The following PREX1 variants were observed in gnomAD, a reference collection of about 807,000 sequenced individuals.
PREX1 encodes phosphatidylinositol-3,4,5-trisphosphate dependent Rac exchange factor 1, also known as phosphatidylinositol 3,4,5-trisphosphate-dependent Rac exchanger 1 protein.
A neutral mutation model predicts 198.3 loss-of-function variants in PREX1; 41 were observed. That is an observed-to-expected ratio of 0.21 (90% CI 0.16 to 0.27). PREX1 has a LOEUF of 0.27. Among genes scored for constraint, PREX1 ranks in the 10% least tolerant of loss-of-function variants. PREX1 has a pLI of 1.00. For missense variants in PREX1, 1,620 were observed against 2,200.7 expected (o/e 0.74, Z 5.28); for synonymous variants, 843 against 887.2 (o/e 0.95, Z 0.89).
intron 21 of PREX1, among the ~76,000 whole-genome samples, chr20:48,651,826 C>T (rs558818437): frequency 7.6e-4 from 115 of 152,298 alleles, no homozygotes; most frequent in Non-Finnish European, 1.3e-3. Flanking sequence ...AGGGAGCCAT[C>T]GGAAGGTTCT....
intron 3 of PREX1, among the ~76,000 whole-genome samples, chr20:48,744,481 G>GA (rs2090098731): frequency 6.6e-6 from 1 of 152,332 alleles, no homozygotes; most frequent in East Asian, 1.9e-4. Flanking sequence ...AGAGGGTATG[G>GA]AAAAGCAGTT....
chr20:48,887,713 G>A, the PREX1 span, among the ~76,000 whole-genome samples: 1 of 152,120 alleles, frequency 6.6e-6, no homozygotes, highest in African/African-American at 2.4e-5. Context: ...TTGGGAGGCC[G>A]AGGTGGGCGG....
rs1459809797 is a variant in PREX1 at position 48,827,100 on chromosome 20, C to T, written c.219+542G>A. 6.6e-6 allele frequency among the ~76,000 whole-genome samples: 1 copy of T among 152,124 alleles called. No individual in the cohort carries two copies. Among genetic ancestry groups the T allele is most frequent in the African/African-American group, 2.4e-5 (1 of 41,408 alleles). Reference sequence around the variant, plus strand: ...TTTTGAGTTCGAAACCCACTCTCCCCGAACTCCAGCAAAAACCTGTGCATG... The same window carrying T: ...TTTTGAGTTCGAAACCCACTCTCCCTGAACTCCAGCAAAAACCTGTGCATG... On this transcript the variant is annotated intron_variant, in intron 1 of 39. Coordinates refer to ENST00000371941, the MANE Select transcript of PREX1 (RefSeq NM_020820.4). This position sits in a 1 kb window ranked among gnomAD's most constrained non-coding sequence, Gnocchi z 4.1.
chr20:48,700,641 C>T (rs2089868950), intron 7 of PREX1, 112 bp downstream of exon 7: 3 of 1,436,880 alleles, frequency 2.1e-6, no homozygotes, highest in Middle Eastern at 2.5e-4. Flanking sequence ...TGATGTAGAA[C>T]AAACCCCTCA....
intron 1 of PREX1, among the ~76,000 whole-genome samples, chr20:48,767,478 C>T (rs1004207100): frequency 1.3e-4 from 20 of 152,184 alleles, no homozygotes; most frequent in Admixed American, 1.1e-3. Flanking sequence ...CACCTGTCAG[C>T]GGGGGAGGGT....
intron 6 of PREX1, among the ~76,000 whole-genome samples, chr20:48,704,380 T>C (rs533713424): frequency 3.0e-4 from 46 of 152,286 alleles, no homozygotes; most frequent in African/African-American, 1.1e-3. Context: ...GAAAAAAATA[T>C]GAGAGCTTTT....
At chr20:48,695,426 G>A (rs1792866825) in intron 7 of PREX1, among the ~76,000 whole-genome samples, 1 of 152,216 alleles carries the variant, frequency 6.6e-6, no homozygotes, top group Non-Finnish European at 1.5e-5. Context: ...ATTTCTTTGG[G>A]TTAGATACCT....
At chr20:48,678,479 A>AAAAG (rs373069869) in intron 13 of PREX1, among the ~76,000 whole-genome samples, 74 of 150,570 alleles carry the variant, frequency 4.9e-4, no homozygotes, top group South Asian at 1.1e-3. Flanking sequence ...CAAAAAAAAA[A>AAAAG]AAGAAGAAGA....
At chr20:48,817,707 G>A (rs2090464917) in intron 1 of PREX1, among the ~76,000 whole-genome samples, 1 of 152,144 alleles carries the variant, frequency 6.6e-6, no homozygotes, top group African/African-American at 2.4e-5. Context: ...AAAGACACCA[G>A]ACCATCTTAG....
chr20:48,710,990 G>C (rs924304925), intron 5 of PREX1, among the ~76,000 whole-genome samples: 1 of 152,240 alleles, frequency 6.6e-6, no homozygotes, highest in Non-Finnish European at 1.5e-5. Context: ...AAGAGCCATG[G>C]GGAGGTGATG....
intron 1 of PREX1, among the ~76,000 whole-genome samples, chr20:48,791,462 G>A (rs1001071800): frequency 2.0e-5 from 3 of 152,136 alleles, no homozygotes; most frequent in Non-Finnish European, 4.4e-5. Context: ...GCTGGTGAGG[G>A]GTAAAGTCAA....
chr20:48,639,418 GATA>G, intron 30 of PREX1, among the ~76,000 whole-genome samples: 1 of 152,218 alleles, frequency 6.6e-6, no homozygotes. Context: ...CTCATACCCT[GATA>G]ATAACAGGAA....
At chr20:48,860,427 G>T in the PREX1 span, among the ~76,000 whole-genome samples, 6 of 152,220 alleles carry the variant, frequency 3.9e-5, no homozygotes, top group African/African-American at 1.4e-4. Context: ...AAGATGAAAA[G>T]AATTCTGGAG....
At chr20:48,869,986 T>C in the PREX1 span, among the ~76,000 whole-genome samples, 26 of 152,328 alleles carry the variant, frequency 1.7e-4, no homozygotes, top group African/African-American at 6.0e-4. Flanking sequence ...ACTCTGCACA[T>C]GTATCCCAGA....
intron 5 of PREX1, among the ~76,000 whole-genome samples, chr20:48,711,408 C>CT (rs1459700277): frequency 6.6e-6 from 1 of 152,146 alleles, no homozygotes; most frequent in Non-Finnish European, 1.5e-5. Context: ...TTTTTGGCAT[C>CT]TGGACCTTTG....
rs868671395 is a variant in PREX1, at chr20:48,661,558, C to T, written c.1739-1497G>A. ...GTGTGTGTGTGTATATATATATATA[C>T]ACACACACACACACACTGACCCCTT... is the stretch of plus-strand genomic sequence containing the variant. On this transcript the variant is annotated intron_variant, in intron 15 of 39. Coordinates refer to ENST00000371941, the MANE Select transcript of PREX1 (RefSeq NM_020820.4). Among the ~76,000 whole-genome samples, 711 of 122,816 alleles carry T rather than the reference C, an allele frequency of 5.8e-3. 7 individuals carry two copies. Among genetic ancestry groups the T allele is most frequent in the African/African-American group, 0.019 (589 of 31,424 alleles). The allele number at this position is 122,816 out of a possible 152,430, so 80.6% of individuals were successfully genotyped here.
intron 1 of PREX1, among the ~76,000 whole-genome samples, chr20:48,801,182 G>A (rs1040736555): frequency 2.0e-5 from 3 of 152,172 alleles, no homozygotes; most frequent in East Asian, 1.9e-4. Context: ...AGCAGTATTC[G>A]TACTGGCATT....
chr20:48,673,972 A>G (rs1336100573), intron 14 of PREX1, among the ~76,000 whole-genome samples: 1 of 152,212 alleles, frequency 6.6e-6, no homozygotes, highest in Non-Finnish European at 1.5e-5. Context: ...GGACAGGCTG[A>G]GCAACTTGTC....
chr20:48,652,036 T>G (rs56041053), intron 21 of PREX1, among the ~76,000 whole-genome samples: 23,917 of 152,178 alleles, frequency 0.16, 2,218 homozygotes, highest in Middle Eastern at 0.3. Flanking sequence ...CCAGTGGGAC[T>G]CGGACTTCTG....
Sources: allele counts gnomAD v4.1 joint callset (sites outside exome capture counted in the v4.1 genomes callset), GRCh38; gene constraint gnomAD v4.1.1; non-coding constraint Gnocchi (gnomAD v3.1); transcripts MANE v1.5; gene names NCBI Gene and HGNC (gene_info 2026-07-23, HGNC 2026-07-21).